The following ATP2B2 variants were observed in gnomAD, a reference collection of about 807,000 sequenced individuals.
ATP2B2 encodes plasma membrane calcium-transporting ATPase 2.
Under a neutral mutation model 120.0 loss-of-function variants are expected in ATP2B2, and 15 were observed. The observed-to-expected ratio is 0.12, with a 90% confidence interval of 0.08 to 0.19. The LOEUF (loss-of-function observed/expected upper bound fraction) is 0.19. ATP2B2 is among the 10% of genes least tolerant of loss of function. ATP2B2 has a pLI of 1.00. For synonymous variants in ATP2B2, 694 were observed against 700.3 expected, an observed-to-expected ratio of 0.99 and a Z score of 0.14; for missense variants, 1,045 against 1,719.8, an observed-to-expected ratio of 0.61 and a Z score of 6.94.
In ATP2B2 at chr3:10,617,752, AGCC is replaced by A. The variant is rs562518973; in HGVS notation, c.-415+2162_-415+2164del. On this transcript the variant is annotated intron_variant, in intron 2 of 21. Coordinates refer to the ATP2B2 transcript ENST00000646379. ...CAGCAGCAGGACGGCTCCCAGATCC[AGCC>A]CTGGTGTCCTGTTCTGCCTTCCCAT... Among the ~76,000 whole-genome samples, 39 of 152,362 alleles carry A rather than the reference AGCC, an allele frequency of 2.6e-4. No homozygotes were observed. The South Asian group carries it at 7.7e-3, about 30-fold the overall frequency.
intron 22 of ATP2B2, chr3:10,332,392 C>T (rs1335132568): frequency 3.7e-5 from 10 of 273,044 alleles, no homozygotes; most frequent in Non-Finnish European, 6.5e-5. Context: ...ACGGAGCCTG[C>T]TACAGACTTG....
rs550723046 is a variant in ATP2B2, at chr3:10,415,707, G to A, written c.200-4892C>T. On this transcript the variant is annotated intron_variant, in intron 2 of 22. Transcript: ENST00000360273. ...GAGGCTGGTGTGAGAGATGAATGGCGTTCGAGATTCAATTTAGATTAGAGA... is the reference window on the plus strand; with the variant it reads ...GAGGCTGGTGTGAGAGATGAATGGCATTCGAGATTCAATTTAGATTAGAGA... 1.8e-3 allele frequency among the ~76,000 whole-genome samples: 281 copies of A among 152,286 alleles called. 2 individuals carry two copies. The highest frequency in any genetic ancestry group is 3.1e-3 in the Non-Finnish European group (208 of 68,020).
intron 2 of ATP2B2, among the ~76,000 whole-genome samples, chr3:10,557,596 C>T (rs975745283): frequency 2.6e-5 from 4 of 152,296 alleles, no homozygotes; most frequent in East Asian, 1.9e-4. Context: ...AGAGGAGAAA[C>T]GGACTGGGCA....
At chr3:10,606,829 G>A (rs899487439) in intron 2 of ATP2B2, among the ~76,000 whole-genome samples, 1 of 150,870 alleles carries the variant, frequency 6.6e-6, no homozygotes, top group African/African-American at 2.4e-5. Context: ...TATCCCCAGG[G>A]CCTGGCACAT....
intron 12 of ATP2B2, among the ~76,000 whole-genome samples, 187 bp from the exon 13 acceptor site, chr3:10,360,310 C>T (rs558231903): frequency 8.5e-5 from 13 of 152,262 alleles, no homozygotes; most frequent in South Asian, 2.1e-4. Context: ...GTCCTGACTC[C>T]GGGTGAAAGG....
chr3:10,539,842 A>C (rs1343593533), intron 2 of ATP2B2, among the ~76,000 whole-genome samples: 2 of 152,192 alleles, frequency 1.3e-5, no homozygotes, highest in African/African-American at 4.8e-5. Context: ...CAAAAGCAAT[A>C]GCAACGAAAG....
At chr3:10,569,044 G>A (rs2068068880) in intron 2 of ATP2B2, among the ~76,000 whole-genome samples, 1 of 152,158 alleles carries the variant, frequency 6.6e-6, no homozygotes, top group Admixed American at 6.5e-5. Flanking sequence ...CTTAACCCTG[G>A]GACGTGGTAT....
rs989488419 is a variant in ATP2B2 at position 10,328,139 on chromosome 3, A to C, written c.*675T>G. ...TATATATTTATATATATATATATAT[A>C]TCTACCTATCTATATGGACGTATAC... On this transcript the variant is annotated 3_prime_UTR_variant, in exon 23 of 23. Transcript: ENST00000360273. 7.3e-5 allele frequency: 11 copies of C among 149,966 alleles called. No homozygotes were observed. The highest frequency in any genetic ancestry group is 3.9e-4 in the East Asian group (2 of 5,160). The allele number at this position is 149,966 out of a possible 1,614,324, so 9.3% of individuals were successfully genotyped here.
intron 2 of ATP2B2, among the ~76,000 whole-genome samples, chr3:10,569,398 C>G (rs997965784): frequency 6.6e-6 from 1 of 152,130 alleles, no homozygotes; most frequent in Admixed American, 6.5e-5. Context: ...CTCGGTCCCA[C>G]GGTGAGGAAG....
intron 2 of ATP2B2, among the ~76,000 whole-genome samples, chr3:10,589,294 A>G (rs947623101): frequency 7.2e-5 from 11 of 152,302 alleles, no homozygotes; most frequent in African/African-American, 2.6e-4. Flanking sequence ...GTCTCTCTAC[A>G]GGCTTGCTCA....
intron 2 of ATP2B2, among the ~76,000 whole-genome samples, chr3:10,619,590 T>C (rs926733429): frequency 5.3e-5 from 8 of 152,164 alleles, no homozygotes; most frequent in Non-Finnish European, 7.4e-5. Flanking sequence ...CAAGGTAAAG[T>C]GGCAATGCGT....
chr3:10,370,347 A>T (rs921672363), intron 12 of ATP2B2, among the ~76,000 whole-genome samples: 8 of 152,312 alleles, frequency 5.3e-5, no homozygotes, highest in Non-Finnish European at 8.8e-5. Flanking sequence ...GCAGGAGGAG[A>T]TCATTATCAG....
chr3:10,612,661 A>G (rs558765769), intron 2 of ATP2B2, among the ~76,000 whole-genome samples: 1 of 152,314 alleles, frequency 6.6e-6, no homozygotes, highest in East Asian at 1.9e-4. Context: ...GCAGAGTCAT[A>G]ACTCCAACTG....
Position 10,449,591 on chromosome 3 carries a change from C to T in ATP2B2, c.-48G>A. 2 of 1,609,062 alleles carry T rather than the reference C, an allele frequency of 1.2e-6. No individual in the cohort carries two copies. The highest frequency in any genetic ancestry group is 3.3e-4 in the Middle Eastern group (2 of 6,046). On this transcript the variant is annotated 5_prime_UTR_variant, in exon 2 of 23. Coordinates refer to ENST00000360273, the MANE Select transcript of ATP2B2 (RefSeq NM_001001331.4). The stretch of plus-strand genomic sequence containing the variant: ...GCTGGGCCCAAGGGTCAGCGCTGGA[C>T]AAGAGGCTGCCGGGTGATGGCTGCT...
At chr3:10,602,075 G>C (rs905975266) in intron 2 of ATP2B2, among the ~76,000 whole-genome samples, 1 of 152,212 alleles carries the variant, frequency 6.6e-6, no homozygotes. Flanking sequence ...AGGCTCCAGC[G>C]GCTCTCCTGG....
chr3:10,568,952 A>C (rs2068066995), intron 2 of ATP2B2, among the ~76,000 whole-genome samples: 2 of 152,254 alleles, frequency 1.3e-5, no homozygotes, highest in African/African-American at 4.8e-5. Context: ...AGTTGCCATC[A>C]GCTAGAAACA....
chr3:10,641,246 C>A (rs2070163620), intron 1 of ATP2B2, among the ~76,000 whole-genome samples: 1 of 152,222 alleles, frequency 6.6e-6, no homozygotes, highest in Non-Finnish European at 1.5e-5. Context: ...GCCAAGAAAA[C>A]TAATCCCACC....
At chr3:10,472,080 CAAA>C (rs55895159) in intron 1 of ATP2B2, among the ~76,000 whole-genome samples, 7,378 of 93,482 alleles carry the variant, frequency 0.079, 188 homozygotes, top group African/African-American at 0.14. Context: ...GACTCCGTCT[CAAA>C]AAAAAAAAAA....
intron 1 of ATP2B2, among the ~76,000 whole-genome samples, chr3:10,503,649 C>T (rs905727990): frequency 2.6e-5 from 4 of 152,252 alleles, no homozygotes; most frequent in African/African-American, 7.2e-5. Flanking sequence ...CTGTGGCCGT[C>T]TTCTTATGTG....
Sources: gnomAD v4.1 joint callset for allele counts (sites outside exome capture counted in the v4.1 genomes callset) on GRCh38, gnomAD v4.1.1 for gene constraint, MANE v1.5 for transcripts, NCBI Gene and HGNC (gene_info 2026-07-23, HGNC 2026-07-21) for gene names.